APC: variants seen among roughly 807,000 people sequenced by gnomAD.
The protein encoded by APC is APC regulator of Wnt signaling pathway.
Under a neutral mutation model 247.0 loss-of-function variants are expected in APC, and 72 were observed. The ratio of observed to expected loss-of-function variants is 0.29; its 90% CI spans 0.24 to 0.35. The LOEUF (loss-of-function observed/expected upper bound fraction) is 0.35. Among genes scored for constraint, APC ranks in the 10% least tolerant of loss-of-function variants. The pLI is 1.00. For synonymous variants in APC, 1,254 were observed against 1,162.5 expected (o/e 1.08, Z -1.60); for missense variants, 3,400 against 3,360.7 (o/e 1.01, Z -0.29).
rs149347068 is a variant in APC, at chr5:112,843,637, G to A, written c.8043G>A (p.Pro2681=). ...GATCTCCCACAGGTAATACTCCCCC[G>A]GTGATTGACAGTGTTTCAGAAAAGG... ...SGRSPTGNTP[P]VIDSVSEKAN... is the part of the protein sequence containing the mutation. The change falls in exon 16 of 16, where the codon CCG becomes CCA. Residue 2681 remains proline, a synonymous_variant. Coordinates refer to ENST00000257430, the MANE Select transcript of APC (RefSeq NM_000038.6). The surrounding 1 kb of genome is among the most constrained non-coding windows in gnomAD (Gnocchi z 4.8). 5 of 1,613,650 alleles carry A rather than the reference G, an allele frequency of 3.1e-6. No individual in the cohort carries two copies. The highest frequency in any genetic ancestry group is 1.1e-5 in the South Asian group (1 of 91,068).
At position 112,778,705 on chromosome 5, in the gene APC, A is replaced by G. The variant is rs1037209722; in HGVS notation, c.532-2085A>G. Among the ~76,000 whole-genome samples, 318 of 152,072 alleles carry G rather than the reference A, an allele frequency of 2.1e-3. 10 individuals carry two copies. The highest frequency in any genetic ancestry group is 0.021 in the Admixed American group (314 of 15,270). The stretch of plus-strand genomic sequence containing the variant: ...GGGACTACAGCATGCCACCATGTCC[A>G]GCTAATTTTTTGTACTTTTAGTAGA... On this transcript the variant is annotated intron_variant, in intron 5 of 15. Coordinates refer to ENST00000257430, the MANE Select transcript of APC (RefSeq NM_000038.6).
chr5:112,709,682 G>T (rs1332472762), intron 1 of APC, among the ~76,000 whole-genome samples: 1 of 152,096 alleles, frequency 6.6e-6, no homozygotes, highest in African/African-American at 2.4e-5. Context: ...CGCATGGATC[G>T]CATGAGTCCA....
chr5:112,790,127 C>T (rs550872151), intron 6 of APC, among the ~76,000 whole-genome samples: 32 of 152,156 alleles, frequency 2.1e-4, no homozygotes, highest in African/African-American at 7.7e-4. Context: ...CCCAGTGTGC[C>T]GGGATTACAG....
Position 112,821,716 on chromosome 5 carries a change from T to A in APC, c.1313-180T>A, listed in dbSNP as rs190285649. 2.4e-4 allele frequency among the ~76,000 whole-genome samples: 37 copies of A among 152,298 alleles called. No individual in the cohort carries two copies. In the East Asian group the frequency reaches 7.1e-3, roughly 29 times the overall value. ...TTTTTATGGAAACAAATCCCTTTATTCCTATTTTTTGTTCCACATTTGTAG... is the reference window on the plus strand; with the variant it reads ...TTTTTATGGAAACAAATCCCTTTATACCTATTTTTTGTTCCACATTTGTAG... On this transcript the variant is annotated intron_variant, in intron 10 of 15. Coordinates refer to ENST00000257430, the MANE Select transcript of APC (RefSeq NM_000038.6).
intron 11 of APC, among the ~76,000 whole-genome samples, chr5:112,822,418 T>G (rs1304648019): frequency 1.3e-5 from 2 of 152,182 alleles, no homozygotes; most frequent in African/African-American, 4.8e-5. Flanking sequence ...AAGATTGTCA[T>G]TTATCTTCAT....
rs185499917 is a variant in APC, at chr5:112,820,373, G to C, written c.1312+1029G>C. On this transcript the variant is annotated intron_variant, in intron 10 of 15. Coordinates refer to ENST00000257430, the MANE Select transcript of APC (RefSeq NM_000038.6). ...AAATGTTCAAGGATAAGAAAGGCCA[G>C]GTGTGGTGGTTCATGCCTGTAATGG... Among the ~76,000 whole-genome samples, 343 of 152,232 alleles carry C rather than the reference G, an allele frequency of 2.3e-3. 1 individual carries two copies. Among genetic ancestry groups the C allele is most frequent in the African/African-American group, 7.8e-3 (322 of 41,542 alleles).
intron 15 of APC, among the ~76,000 whole-genome samples, chr5:112,836,179 C>G (rs868016517): frequency 1.5e-5 from 1 of 64,866 alleles, no homozygotes; most frequent in South Asian, 1.1e-3. Flanking sequence ...CCCCCCCCCC[C>G]GCCACCGTGC....
At chr5:112,822,349 G>A (rs144612727) in intron 11 of APC, among the ~76,000 whole-genome samples, 1 of 152,302 alleles carries the variant, frequency 6.6e-6, no homozygotes, top group East Asian at 1.9e-4. Flanking sequence ...GAAATGTGGA[G>A]CTGCTGTATT....
At chr5:112,761,214 T>C (rs1755631694) in intron 2 of APC, among the ~76,000 whole-genome samples, 2 of 152,200 alleles carry the variant, frequency 1.3e-5, no homozygotes, top group South Asian at 4.1e-4. Flanking sequence ...CTTAAGTCTC[T>C]TTTGTTCTTG....
At chr5:112,799,718 G>A (rs562985078) in intron 7 of APC, among the ~76,000 whole-genome samples, 3 of 152,220 alleles carry the variant, frequency 2.0e-5, no homozygotes, top group South Asian at 2.1e-4. Flanking sequence ...GCAGAAAAAG[G>A]CATTAAAATT....
intron 1 of APC, among the ~76,000 whole-genome samples, chr5:112,738,829 G>A (rs79375613): frequency 2.0e-4 from 30 of 152,284 alleles, no homozygotes; most frequent in Admixed American, 1.5e-3. Context: ...GGAATGTATT[G>A]GACACTTTGA....
intron 1 of APC, among the ~76,000 whole-genome samples, chr5:112,716,664 G>A (rs891519173): frequency 2.0e-5 from 3 of 152,038 alleles, no homozygotes; most frequent in African/African-American, 7.2e-5. Context: ...TTATGATTGT[G>A]GATTTGAGTA....
At chr5:112,785,077 G>T (rs968156905) in intron 6 of APC, among the ~76,000 whole-genome samples, 1 of 152,066 alleles carries the variant, frequency 6.6e-6, no homozygotes, top group Non-Finnish European at 1.5e-5. Context: ...AAAGAAAACA[G>T]AAATAATGAG....
upstream of APC, among the ~76,000 whole-genome samples, chr5:112,734,676 A>G (rs1266905266): frequency 6.6e-6 from 1 of 152,188 alleles, no homozygotes; most frequent in East Asian, 1.9e-4. Context: ...TTCATTTTAC[A>G]CTAGTTAATA....
At chr5:112,788,538 A>G (rs1759229446) in intron 6 of APC, among the ~76,000 whole-genome samples, 1 of 152,206 alleles carries the variant, frequency 6.6e-6, no homozygotes, top group Non-Finnish European at 1.5e-5. Context: ...TGAGGATTAA[A>G]TGAGTTGATA....
At position 112,838,585 on chromosome 5, in the gene APC, T is replaced by C. The variant is rs864622629; in HGVS notation, c.2991T>C (p.Tyr997=). 9.3e-6 allele frequency: 15 copies of C among 1,614,196 alleles called. No homozygotes were observed. The highest frequency in any genetic ancestry group is 1.1e-5 in the South Asian group (1 of 91,092). ...ATGATGAAAGTAAGTTTTGCAGTTATGGTCAATACCCAGCCGACCTAGCCC... is the reference window on the plus strand; with the variant it reads ...ATGATGAAAGTAAGTTTTGCAGTTACGGTCAATACCCAGCCGACCTAGCCC... ...SEDDESKFCS[Y]GQYPADLAHK... Residue 997 remains tyrosine, a synonymous_variant, in exon 16 of 16, where the codon TAT becomes TAC. Coordinates refer to ENST00000257430, the MANE Select transcript of APC (RefSeq NM_000038.6).
chr5:112,737,288 A>G (rs1752453879), upstream of APC, among the ~76,000 whole-genome samples: 1 of 152,224 alleles, frequency 6.6e-6, no homozygotes, highest in South Asian at 2.1e-4. Context: ...TTACAGAGCT[A>G]GAGTGACAGG....
At chr5:112,800,595 A>G (rs1234963346) in intron 7 of APC, among the ~76,000 whole-genome samples, 3 of 152,166 alleles carry the variant, frequency 2.0e-5, no homozygotes, top group Non-Finnish European at 2.9e-5. Context: ...AGGTGTTTCT[A>G]TAAATGACCG....
intron 1 of APC, among the ~76,000 whole-genome samples, chr5:112,748,644 T>C (rs1746226204): frequency 6.6e-6 from 1 of 151,904 alleles, no homozygotes; most frequent in Non-Finnish European, 1.5e-5. Flanking sequence ...GGCGGATCAC[T>C]TGAGGTCAGG....
Sources: allele counts gnomAD v4.1 joint callset (sites outside exome capture counted in the v4.1 genomes callset), GRCh38; gene constraint gnomAD v4.1.1; non-coding constraint Gnocchi (gnomAD v3.1); transcripts MANE v1.5; gene names NCBI Gene and HGNC (gene_info 2026-07-23, HGNC 2026-07-21).